Variants in ZGPAT observed in about 807,000 individuals in gnomAD.
ZGPAT encodes the protein zinc finger CCCH-type with G patch domain-containing protein.
Under a neutral mutation model 47.9 loss-of-function variants are expected in ZGPAT, and 39 were observed. That is an observed-to-expected ratio of 0.81 (90% CI 0.63 to 1.06). The LOEUF is 1.06. Among genes scored for constraint, ZGPAT ranks in the 50% least tolerant of loss-of-function variants. ZGPAT has a pLI of 0.00. For missense variants in ZGPAT, 717 were observed against 681.4 expected, an observed-to-expected ratio of 1.05 and a Z score of -0.58; for synonymous variants, 348 against 292.9, an observed-to-expected ratio of 1.19 and a Z score of -1.92.
chr20:63,726,963 G>A (rs1202779120), intron 2 of ZGPAT, among the ~76,000 whole-genome samples: 1 of 151,868 alleles, frequency 6.6e-6, no homozygotes, highest in African/African-American at 2.4e-5. Context: ...CACCAGACTG[G>A]TACGTTTATT....
At chr20:63,709,797 GC>G (rs112000427) in intron 2 of ZGPAT, among the ~76,000 whole-genome samples, 2 of 151,868 alleles carry the variant, frequency 1.3e-5, no homozygotes, top group African/African-American at 4.8e-5. Flanking sequence ...TCCTGCCTCA[GC>G]CCCCCTAGGA....
chr20:63,725,531 TTTTCTC>T (rs1021729580), intron 2 of ZGPAT, among the ~76,000 whole-genome samples: 1 of 152,220 alleles, frequency 6.6e-6, no homozygotes, highest in Non-Finnish European at 1.5e-5. Context: ...GTTTTCAAGA[TTTTCTC>T]TTTGTCTTTG....
intron 2 of ZGPAT, among the ~76,000 whole-genome samples, chr20:63,732,000 C>T (rs2091909571): frequency 6.6e-6 from 1 of 152,200 alleles, no homozygotes; most frequent in Non-Finnish European, 1.5e-5. Context: ...TTGGTTTGCA[C>T]AGGGGGTTTC....
Position 63,735,800 on chromosome 20 carries a change from C to A in ZGPAT, c.1417C>A (p.Gln473Lys), listed in dbSNP as rs773725976. The A allele has an allele frequency of 2.5e-6, 4 of 1,609,222 alleles. No homozygotes were observed. Among genetic ancestry groups the A allele is most frequent in the Non-Finnish European group, 2.5e-6 (3 of 1,178,384 alleles). ...NAGRHSVASA[Q>K]LQEKLAGAQR... Reference sequence around the variant, plus strand: ...CCGCAGGCATAGCGTGGCGTCAGCCCAGCTGCAGGAGAAGCTGGCAGGAGC... The same window carrying A: ...CCGCAGGCATAGCGTGGCGTCAGCCAAGCTGCAGGAGAAGCTGGCAGGAGC... Residue 473 changes from glutamine (Q) to lysine (K), a missense_variant, in exon 7 of 7, where the codon CAG (glutamine) becomes AAG (lysine). Gln to Lys is a moderately conservative substitution (Grantham distance 53). Transcript: ENST00000355969.
At chr20:63,710,235 C>T (rs2091650919) in intron 2 of ZGPAT, among the ~76,000 whole-genome samples, 1 of 151,032 alleles carries the variant, frequency 6.6e-6, no homozygotes, top group South Asian at 2.1e-4. Flanking sequence ...CTTACCGCAA[C>T]CTCTGTCTCC....
intron 2 of ZGPAT, among the ~76,000 whole-genome samples, chr20:63,722,318 G>A (rs2145666350): frequency 6.6e-6 from 1 of 152,340 alleles, no homozygotes; most frequent in South Asian, 2.1e-4. Context: ...CAGTCATCTG[G>A]TTCGTAGACA....
chr20:63,709,447 G>C lies in ZGPAT; in HGVS notation c.584+283G>C, dbSNP rs532930906. On this transcript the variant is annotated intron_variant, in intron 2 of 6. Transcript: ENST00000355969. ...GAGGTCAGGAGTTCAAGACCACGCT[G>C]GTCAACATGGTGAAACCCCATCTCC... Among the ~76,000 whole-genome samples, 10 of 152,272 alleles carry C rather than the reference G, an allele frequency of 6.6e-5. No homozygotes were observed. The East Asian group carries it at 1.7e-3, about 26-fold the overall frequency.
intron 2 of ZGPAT, among the ~76,000 whole-genome samples, chr20:63,725,425 T>G (rs1379214397): frequency 6.6e-6 from 1 of 152,266 alleles, no homozygotes; most frequent in Non-Finnish European, 1.5e-5. Context: ...TTTAAAAGTG[T>G]CATCATGCTA....
chr20:63,732,870 G>A (rs751211220), intron 2 of ZGPAT, among the ~76,000 whole-genome samples: 2 of 151,926 alleles, frequency 1.3e-5, no homozygotes, highest in East Asian at 1.9e-4. Context: ...GTATATGCGC[G>A]TGTGCGTATG....
At chr20:63,708,428 C>G in intron 1 of ZGPAT, 125 bp from the exon 2 acceptor site, 1 of 675,498 alleles carries the variant, frequency 1.5e-6, no homozygotes, top group Non-Finnish European at 2.4e-6. Flanking sequence ...GACCTCTGCG[C>G]TGGGAGCTGT....
intron 1 of ZGPAT, among the ~76,000 whole-genome samples, 153 bp from the exon 2 acceptor site, chr20:63,708,400 C>T (rs911561126): frequency 2.0e-5 from 3 of 152,278 alleles, no homozygotes; most frequent in East Asian, 3.9e-4. Flanking sequence ...GGAGCCTGAG[C>T]GGGGGTACCC....
intron 2 of ZGPAT, among the ~76,000 whole-genome samples, chr20:63,732,247 A>G (rs945864587): frequency 6.9e-6 from 1 of 144,818 alleles, no homozygotes; most frequent in Non-Finnish European, 1.5e-5. Context: ...GTGTGCGTGC[A>G]CGTGTGTGTG....
chr20:63,717,872 A>G (rs2145655120), intron 2 of ZGPAT, among the ~76,000 whole-genome samples: 1 of 152,188 alleles, frequency 6.6e-6, no homozygotes, highest in African/African-American at 2.4e-5. Flanking sequence ...GAGAAACCCC[A>G]TCTCTACTAA....
At chr20:63,730,519 C>CT (rs1379841596) in intron 2 of ZGPAT, 2 of 152,320 alleles carry the variant, frequency 1.3e-5, no homozygotes, top group Non-Finnish European at 2.9e-5. Flanking sequence ...CAGTCTCACT[C>CT]TGTCTTCCAG....
chr20:63,730,018 GCGCACACACACA>G (rs1233732499), intron 2 of ZGPAT: 3 of 147,072 alleles, frequency 2.0e-5, no homozygotes, highest in Non-Finnish European at 3.0e-5. Flanking sequence ...AGACTCTACT[GCGCACACACACA>G]CACACACACA....
intron 5 of ZGPAT, 25 bp from the exon 6 acceptor site, chr20:63,735,134 C>T (rs1286887213): frequency 6.7e-7 from 1 of 1,497,716 alleles, no homozygotes; most frequent in Admixed American, 2.4e-5. Context: ...GCAGCCACAG[C>T]ACTGCCATCC....
chr20:63,727,790 G>C (rs1299060861), intron 2 of ZGPAT, among the ~76,000 whole-genome samples: 1 of 151,644 alleles, frequency 6.6e-6, no homozygotes, highest in Non-Finnish European at 1.5e-5. Flanking sequence ...CTCAACATCT[G>C]GGCCCACTCA....
chr20:63,725,245 A>G (rs981244404), intron 2 of ZGPAT, among the ~76,000 whole-genome samples: 3 of 152,184 alleles, frequency 2.0e-5, no homozygotes, highest in Non-Finnish European at 2.9e-5. Context: ...TGGCCTCCCA[A>G]AGTGCTGGGA....
intron 2 of ZGPAT, among the ~76,000 whole-genome samples, chr20:63,718,274 G>A (rs1255852355): frequency 2.0e-5 from 3 of 151,614 alleles, no homozygotes; most frequent in South Asian, 2.1e-4. Context: ...CGACTTACTC[G>A]TTATTCAAGA....
Sources: gnomAD v4.1 joint callset for allele counts (sites outside exome capture counted in the v4.1 genomes callset) on GRCh38, gnomAD v4.1.1 for gene constraint, MANE v1.5 for transcripts, NCBI Gene and HGNC (gene_info 2026-07-23, HGNC 2026-07-21) for gene names.